The following ULK4 variants were observed in gnomAD, a reference collection of about 807,000 sequenced individuals.
ULK4 encodes the protein inactive serine/threonine-protein kinase ULK4.
A neutral mutation model predicts 160.6 loss-of-function variants in ULK4; 133 were observed. The observed-to-expected ratio is 0.83, with a 90% confidence interval of 0.72 to 0.96. The LOEUF is 0.96. Among genes scored for constraint, ULK4 ranks in the 40% least tolerant of loss-of-function variants. The pLI is 0.00. For synonymous variants in ULK4, 534 were observed against 539.8 expected, an observed-to-expected ratio of 0.99 and a Z score of 0.15; for missense variants, 1,580 against 1,499.5, an observed-to-expected ratio of 1.05 and a Z score of -0.89.
chr3:41,772,733 A>G (rs2039439335), intron 21 of ULK4, among the ~76,000 whole-genome samples: 1 of 152,238 alleles, frequency 6.6e-6, no homozygotes, highest in Non-Finnish European at 1.5e-5. Flanking sequence ...GGCCAGCATC[A>G]TCCTGATACC....
intron 29 of ULK4, among the ~76,000 whole-genome samples, chr3:41,680,422 C>T (rs746027219): frequency 6.8e-4 from 104 of 152,280 alleles, no homozygotes; most frequent in African/African-American, 2.4e-3. Flanking sequence ...TCAGTCAAGA[C>T]AGGCTCCCCC....
intron 32 of ULK4, among the ~76,000 whole-genome samples, chr3:41,547,953 G>A (rs1027119927): frequency 6.6e-6 from 1 of 152,114 alleles, no homozygotes; most frequent in Admixed American, 6.5e-5. Flanking sequence ...CTGCTGCCTG[G>A]GGATGCTGCC....
intron 31 of ULK4, among the ~76,000 whole-genome samples, chr3:41,598,573 A>G (rs2031846212): frequency 6.6e-6 from 1 of 152,228 alleles, no homozygotes; most frequent in Admixed American, 6.5e-5. Flanking sequence ...TGGGAACAGC[A>G]TTAGAAAAAA....
intron 16 of ULK4, among the ~76,000 whole-genome samples, chr3:41,890,578 G>A (rs1697890739): frequency 6.6e-6 from 1 of 151,314 alleles, no homozygotes; most frequent in African/African-American, 2.4e-5. Flanking sequence ...TACTCGGGAG[G>A]CTGAGGCAGG....
At chr3:41,254,307 T>C (rs918815100) in intron 35 of ULK4, among the ~76,000 whole-genome samples, 1 of 152,216 alleles carries the variant, frequency 6.6e-6, no homozygotes, top group South Asian at 2.1e-4. Context: ...TCTCTGACCA[T>C]ATGGAATTAA....
intron 25 of ULK4, among the ~76,000 whole-genome samples, chr3:41,714,331 T>C (rs369134404): frequency 2.6e-5 from 4 of 152,322 alleles, no homozygotes; most frequent in East Asian, 1.9e-4. Context: ...TATGATGAAC[T>C]TTCTAGAAAA....
intron 19 of ULK4, among the ~76,000 whole-genome samples, chr3:41,804,348 ATTTG>A: frequency 6.6e-6 from 1 of 152,000 alleles, no homozygotes; most frequent in Non-Finnish European, 1.5e-5. Context: ...TTTCTTGTAA[ATTTG>A]TTTGAGTTCA....
At chr3:41,821,741 C>T (rs2041153029) in intron 18 of ULK4, among the ~76,000 whole-genome samples, 1 of 152,138 alleles carries the variant, frequency 6.6e-6, no homozygotes. Flanking sequence ...TCACAACTAT[C>T]CTCACTTTAC....
intron 32 of ULK4, among the ~76,000 whole-genome samples, chr3:41,498,690 G>A (rs991465545): frequency 4.6e-5 from 7 of 151,790 alleles, no homozygotes; most frequent in Non-Finnish European, 7.4e-5. Flanking sequence ...CTGCCTCCTG[G>A]GTTCACGCCA....
intron 19 of ULK4, among the ~76,000 whole-genome samples, chr3:41,815,596 C>T (rs1213728282): frequency 2.0e-5 from 3 of 152,134 alleles, no homozygotes; most frequent in Admixed American, 6.5e-5. Context: ...GATTTCCCTC[C>T]TGCAACCTGC....
chr3:41,464,411 A>C (rs1012409486), intron 32 of ULK4, among the ~76,000 whole-genome samples: 93 of 152,290 alleles, frequency 6.1e-4, no homozygotes, highest in African/African-American at 2.2e-3. Context: ...AACAAAAACA[A>C]AACTGAGTTT....
At chr3:41,726,535 T>C (rs1464185433) in intron 22 of ULK4, among the ~76,000 whole-genome samples, 1 of 152,218 alleles carries the variant, frequency 6.6e-6, no homozygotes, top group East Asian at 1.9e-4. Flanking sequence ...TACAAGGGTA[T>C]ATCAAGTTAA....
intron 35 of ULK4, among the ~76,000 whole-genome samples, chr3:41,395,951 A>T (rs2082049866): frequency 6.6e-6 from 1 of 152,200 alleles, no homozygotes; most frequent in Non-Finnish European, 1.5e-5. Context: ...CATTTTAAAT[A>T]GTAAAGCAAA....
chr3:41,783,056 G>T (rs2039901809), intron 21 of ULK4, among the ~76,000 whole-genome samples: 2 of 151,296 alleles, frequency 1.3e-5, no homozygotes, highest in African/African-American at 4.9e-5. Context: ...CTAATAGCAT[G>T]ACAGCAGAGA....
chr3:41,864,784 G>A (rs1409658012), intron 17 of ULK4, among the ~76,000 whole-genome samples: 1 of 152,102 alleles, frequency 6.6e-6, no homozygotes, highest in Non-Finnish European at 1.5e-5. Flanking sequence ...TCCTGTTATA[G>A]TGGATAGTGT....
rs187456283 is a variant in ULK4, at chr3:41,567,404, G to A, written c.3121-1274C>T. Reference sequence around the variant, plus strand: ...GACTGCATATGATTTGAAATAGGGTGCTCAGGATAAGACTCATTGAGAAGG... The same window carrying A: ...GACTGCATATGATTTGAAATAGGGTACTCAGGATAAGACTCATTGAGAAGG... On this transcript the variant is annotated intron_variant, in intron 31 of 36. Transcript: ENST00000301831. 4.0e-5 allele frequency among the ~76,000 whole-genome samples: 6 copies of A among 150,840 alleles called. No individual in the cohort carries two copies. The East Asian group carries it at 9.7e-4, about 24-fold the overall frequency.
intron 32 of ULK4, among the ~76,000 whole-genome samples, chr3:41,530,997 C>T (rs1178555257): frequency 2.0e-5 from 3 of 151,150 alleles, no homozygotes; most frequent in Non-Finnish European, 4.4e-5. Context: ...CTCTTGACCT[C>T]GTGATCTGCC....
At chr3:41,671,247 T>C (rs958970547) in intron 29 of ULK4, among the ~76,000 whole-genome samples, 1 of 152,016 alleles carries the variant, frequency 6.6e-6, no homozygotes, top group East Asian at 1.9e-4. Context: ...AAAATTCATA[T>C]GTAATGACAA....
chr3:41,786,437 C>A (rs1559552425), intron 21 of ULK4, among the ~76,000 whole-genome samples: 1 of 151,548 alleles, frequency 6.6e-6, no homozygotes, highest in African/African-American at 2.4e-5. Context: ...CCCATCTCTA[C>A]AAAAAAATAC....
Sources: gnomAD v4.1 joint callset for allele counts (sites outside exome capture counted in the v4.1 genomes callset) on GRCh38, gnomAD v4.1.1 for gene constraint, MANE v1.5 for transcripts, NCBI Gene and HGNC (gene_info 2026-07-23, HGNC 2026-07-21) for gene names.